ANKS3: variants seen among roughly 807,000 people sequenced by gnomAD.
ANKS3 encodes the protein ankyrin repeat and sterile alpha motif domain containing 3.
ANKS3 carries 62 observed loss-of-function variants against 80.7 expected under a neutral mutation model. That is an observed-to-expected ratio of 0.77 (90% CI 0.63 to 0.95). The LOEUF (loss-of-function observed/expected upper bound fraction) is 0.95, where lower values mean the gene tolerates loss of function less well. Among genes scored for constraint, ANKS3 ranks in the 40% least tolerant of loss-of-function variants. ANKS3 has a pLI of 0.00. For synonymous variants in ANKS3, 489 were observed against 355.3 expected (o/e 1.38, Z -4.23); for missense variants, 1,150 against 883.6 (o/e 1.30, Z -3.82).
chr16:4,698,206 G>A (rs2079685698), intron 14 of ANKS3, 144 bp from the exon 15 acceptor site: 3 of 1,127,928 alleles, frequency 2.7e-6, no homozygotes, highest in African/African-American at 3.2e-5. Context: ...CCATGAGGCT[G>A]CACTAAAGAG....
chr16:4,719,960 G>C (rs1389655657), intron 6 of ANKS3, among the ~76,000 whole-genome samples: 2 of 149,586 alleles, frequency 1.3e-5, no homozygotes, highest in Non-Finnish European at 3.0e-5. Flanking sequence ...TCAGGAGTTC[G>C]AGACCAGCCT....
intron 6 of ANKS3, among the ~76,000 whole-genome samples, chr16:4,721,574 C>T (rs1388916625): frequency 1.3e-5 from 2 of 151,196 alleles, no homozygotes; most frequent in African/African-American, 2.4e-5. Flanking sequence ...CTGCACCACT[C>T]CACTCCAGCC....
chr16:4,710,331 T>C (rs943137839), intron 7 of ANKS3, among the ~76,000 whole-genome samples: 3 of 152,232 alleles, frequency 2.0e-5, no homozygotes, highest in Non-Finnish European at 4.4e-5. Context: ...AATTTGATCA[T>C]TACACAGTGT....
At chr16:4,713,087 T>C (rs1453891080) in intron 7 of ANKS3, among the ~76,000 whole-genome samples, 1 of 152,000 alleles carries the variant, frequency 6.6e-6, no homozygotes, top group Admixed American at 6.6e-5. Context: ...CTGACCAACA[T>C]GGAGAAACCC....
intron 7 of ANKS3, among the ~76,000 whole-genome samples, chr16:4,706,955 G>C (rs1331334107): frequency 2.0e-5 from 3 of 152,182 alleles, no homozygotes; most frequent in Non-Finnish European, 4.4e-5. Context: ...CCTGAACGTG[G>C]GCCACTCTGT....
intron 8 of ANKS3, among the ~76,000 whole-genome samples, chr16:4,702,617 G>A (rs148019932): frequency 3.6e-4 from 55 of 152,256 alleles, no homozygotes; most frequent in African/African-American, 1.2e-3. Context: ...CATCGACCAC[G>A]TGTCTTTATG....
At chr16:4,706,436 C>T (rs982293115) in intron 7 of ANKS3, among the ~76,000 whole-genome samples, 15 of 152,144 alleles carry the variant, frequency 9.9e-5, no homozygotes, top group African/African-American at 2.7e-4. Flanking sequence ...GGGGTTTCAC[C>T]ATGTTGGCCA....
intron 7 of ANKS3, among the ~76,000 whole-genome samples, chr16:4,709,197 G>A (rs1452551911): frequency 2.6e-5 from 4 of 151,454 alleles, no homozygotes; most frequent in Non-Finnish European, 2.9e-5. Context: ...ACCTTATGTC[G>A]GGAGTTCGAG....
chr16:4,705,147 C>A lies in ANKS3; in HGVS notation c.816G>T (p.Leu272=), dbSNP rs2080116787. The change falls in exon 8 of 18, where the codon CTG becomes CTT. Residue 272 remains leucine, a synonymous_variant. Coordinates refer to ENST00000304283, the MANE Select transcript of ANKS3 (RefSeq NM_133450.4). The stretch of plus-strand genomic sequence containing the variant: ...CCAGGCCAATGCCTGTGATCCTGGC[C>A]AGGGCTCGCGGTCCCTCGTGGATGC... ...GVSIHEGPRA[L]ARITGIGLGG... is the part of the protein sequence containing the mutation. 6.2e-7 allele frequency: 1 copy of A among 1,613,512 alleles called. No individual in the cohort carries two copies.
intron 6 of ANKS3, among the ~76,000 whole-genome samples, chr16:4,715,526 C>G (rs859324): frequency 0.46 from 70,525 of 152,020 alleles, 17,972 homozygotes; most frequent in East Asian, 0.65. Flanking sequence ...AGTCCCAGAG[C>G]TTGACGCTGC....
chr16:4,715,583 G>A lies in ANKS3; in HGVS notation c.574-1397C>T, dbSNP rs918516060. ...TGTACTCCAGCCTGGGCAATAGAGC[G>A]AGACCTTGTCTCAAAAAAATAAAAA... On this transcript the variant is annotated intron_variant, in intron 6 of 17. Transcript: ENST00000304283. Among the ~76,000 whole-genome samples the A allele has an allele frequency of 4.6e-5, 7 of 152,212 alleles. 1 individual carries two copies. The South Asian group carries it at 1.0e-3, about 23-fold the overall frequency.
rs963837142 is a variant in ANKS3, at chr16:4,731,574, C to A, written c.-65G>T. The A allele has an allele frequency of 1.7e-5, 16 of 916,536 alleles. No individual in the cohort carries two copies. The African/African-American group carries it at 2.7e-4, about 15-fold the overall frequency. 56.8% of individuals were successfully genotyped at this position (916,536 alleles called of 1,614,324 possible). On this transcript the variant is annotated 5_prime_UTR_variant, in exon 2 of 18. Coordinates refer to ENST00000304283, the MANE Select transcript of ANKS3 (RefSeq NM_133450.4). ...GGAAATATAGGCGTGAGCCACTGCA[C>A]CTGGCCTGTAAATTTTAAATATAAA...
chr16:4,720,046 C>T (rs1360584512), intron 6 of ANKS3, among the ~76,000 whole-genome samples: 1 of 149,016 alleles, frequency 6.7e-6, no homozygotes, highest in East Asian at 1.9e-4. Context: ...CCTGGAATCC[C>T]AGCTACTCGG....
intron 7 of ANKS3, among the ~76,000 whole-genome samples, chr16:4,708,326 G>C (rs2080308131): frequency 6.6e-6 from 1 of 151,804 alleles, no homozygotes; most frequent in Non-Finnish European, 1.5e-5. Context: ...ACAACTCCTG[G>C]GTGAAGGAGA....
chr16:4,706,236 T>C (rs971006620), intron 7 of ANKS3, among the ~76,000 whole-genome samples: 2 of 151,978 alleles, frequency 1.3e-5, no homozygotes, highest in African/African-American at 4.8e-5. Flanking sequence ...CTTTTTTTTT[T>C]CTTTATTTTT....
At chr16:4,698,628 C>A (rs1202959756) in intron 13 of ANKS3, 29 bp from the exon 14 acceptor site, 2 of 1,537,422 alleles carry the variant, frequency 1.3e-6, no homozygotes, top group African/African-American at 2.7e-5. Context: ...CGCGGGGAGG[C>A]TGGGAGGTGG....
rs544284735 is a variant in ANKS3, at chr16:4,696,955, G to A, written c.*12-59C>T. 55 of 1,531,180 alleles carry A rather than the reference G, an allele frequency of 3.6e-5. No homozygotes were observed. The African/African-American group carries it at 6.3e-4, about 17-fold the overall frequency. 94.8% of individuals were successfully genotyped at this position (1,531,180 alleles called of 1,614,324 possible). On this transcript the variant is annotated intron_variant, in intron 17 of 17. Coordinates refer to ENST00000304283, the MANE Select transcript of ANKS3 (RefSeq NM_133450.4). ...GACAGGTGGGTGCATACCCACACCT[G>A]CAGCCGCCCAGACAGGCCCTGCTGC...
chr16:4,701,313 G>C lies in ANKS3; in HGVS notation c.1119+121C>G, dbSNP rs950989057. 3 of 1,314,708 alleles carry C rather than the reference G, an allele frequency of 2.3e-6. No homozygotes were observed. In the African/African-American group the frequency reaches 4.4e-5, roughly 19 times the overall value. 81.4% of individuals were successfully genotyped at this position (1,314,708 alleles called of 1,614,324 possible). A position where few individuals can be genotyped will look rare whatever the true frequency, so the allele number is the denominator to read the frequency against. ...CAGACCCTGGACACAGCACGTCCCA[G>C]TGCAGCACACACGTGCAGCAGCTGC... On this transcript the variant is annotated intron_variant, in intron 10 of 17. Coordinates refer to ENST00000304283, the MANE Select transcript of ANKS3 (RefSeq NM_133450.4).
rs1057371708 is a variant in ANKS3, at chr16:4,727,118, G to C, written c.230C>G (p.Ser77Cys). ...GGGWTPLMYA[S>C]YIGHDTIVHL... is the part of the protein sequence containing the mutation. ...CACGATTGTGTCGTGGCCAATGTAG[G>C]AGGCATACATCAGCGGGGTCCAGCC... The change falls in exon 4 of 18, where the codon TCC (serine) becomes TGC (cysteine). Residue 77 changes from serine to cysteine, a missense_variant. Coordinates refer to ENST00000304283, the MANE Select transcript of ANKS3 (RefSeq NM_133450.4). 1.2e-6 allele frequency: 2 copies of C among 1,614,078 alleles called. No homozygotes were observed. The highest frequency in any genetic ancestry group is 1.7e-6 in the Non-Finnish European group (2 of 1,180,048).
Sources: allele counts gnomAD v4.1 joint callset (sites outside exome capture counted in the v4.1 genomes callset), GRCh38; gene constraint gnomAD v4.1.1; transcripts MANE v1.5; gene names NCBI Gene and HGNC (gene_info 2026-07-23, HGNC 2026-07-21).